Variants in NSMCE1 observed in about 807,000 individuals in gnomAD.
NSMCE1 encodes the protein non-structural maintenance of chromosomes element 1 homolog.
In NSMCE1, 18 loss-of-function variants were observed where a neutral mutation model predicts 29.6. The observed-to-expected ratio is 0.61, with a 90% CI of 0.42 to 0.90. The LOEUF is 0.90. Ranked by LOEUF, NSMCE1 falls within the 40% of genes least tolerant of loss-of-function variation. The pLI is 0.00. For missense variants in NSMCE1, 314 were observed against 343.6 expected (o/e 0.91, Z 0.68); for synonymous variants, 124 against 133.4 (o/e 0.93, Z 0.49).
At chr16:27,243,465 G>A (rs558627808) in intron 2 of NSMCE1, among the ~76,000 whole-genome samples, 10 of 152,224 alleles carry the variant, frequency 6.6e-5, no homozygotes, top group South Asian at 2.1e-4. Flanking sequence ...GCCAGACCAC[G>A]TATAAAAGCA....
chr16:27,239,621 TGTAG>T (rs1283514147), intron 2 of NSMCE1, among the ~76,000 whole-genome samples: 1 of 152,234 alleles, frequency 6.6e-6, no homozygotes, highest in Non-Finnish European at 1.5e-5. Context: ...TCAGGTTTTC[TGTAG>T]GTAGCGCTGG....
intron 3 of NSMCE1, among the ~76,000 whole-genome samples, 194 bp from the exon 4 acceptor site, chr16:27,234,459 C>G (rs76255710): frequency 1.8e-3 from 274 of 152,334 alleles, no homozygotes; most frequent in African/African-American, 6.3e-3. Context: ...AGCCAACATG[C>G]TGGGCCCTCA....
At chr16:27,228,970 G>A (rs2083735056) in intron 5 of NSMCE1, among the ~76,000 whole-genome samples, 1 of 151,704 alleles carries the variant, frequency 6.6e-6, no homozygotes, top group Non-Finnish European at 1.5e-5. Context: ...TGCTCTCTGA[G>A]CCCACTCTCC....
chr16:27,256,453 G>T (rs1179279994), intron 2 of NSMCE1, among the ~76,000 whole-genome samples: 1 of 152,118 alleles, frequency 6.6e-6, no homozygotes, highest in African/African-American at 2.4e-5. Context: ...GTCTTCTTCT[G>T]GTCCACTTTT....
At chr16:27,249,752 T>C (rs1596688285) in intron 2 of NSMCE1, among the ~76,000 whole-genome samples, 1 of 152,354 alleles carries the variant, frequency 6.6e-6, no homozygotes, top group East Asian at 1.9e-4. Context: ...CTAGGTCCTT[T>C]ACATTTCCAT....
chr16:27,251,156 TAA>T (rs1245663933), intron 2 of NSMCE1, among the ~76,000 whole-genome samples: 1 of 66,218 alleles, frequency 1.5e-5, no homozygotes, highest in African/African-American at 4.3e-5. Context: ...TTTAATTATT[TAA>T]AATATATATA....
chr16:27,246,426 T>C (rs1460828782), intron 2 of NSMCE1, among the ~76,000 whole-genome samples: 1 of 152,242 alleles, frequency 6.6e-6, no homozygotes. Context: ...CACAGCAGTC[T>C]GGCAACCATA....
At chr16:27,254,240 G>GT (rs2084061913) in intron 2 of NSMCE1, among the ~76,000 whole-genome samples, 2 of 152,232 alleles carry the variant, frequency 1.3e-5, no homozygotes, top group East Asian at 1.9e-4. Context: ...GCAGTAACAA[G>GT]TTTTTTGGCA....
At chr16:27,253,432 AAG>A (rs1185013094) in intron 2 of NSMCE1, among the ~76,000 whole-genome samples, 1 of 152,196 alleles carries the variant, frequency 6.6e-6, no homozygotes, top group Non-Finnish European at 1.5e-5. Context: ...TCAAGAGAAA[AAG>A]AAACCCTCAT....
At chr16:27,238,942 T>C (rs1392876172) in intron 2 of NSMCE1, among the ~76,000 whole-genome samples, 1 of 151,560 alleles carries the variant, frequency 6.6e-6, no homozygotes, top group East Asian at 1.9e-4. Flanking sequence ...CAGTCTCAGC[T>C]CACAGCAACC....
chr16:27,248,066 G>A (rs906092593), intron 2 of NSMCE1, among the ~76,000 whole-genome samples: 1 of 152,166 alleles, frequency 6.6e-6, no homozygotes, highest in Non-Finnish European at 1.5e-5. Flanking sequence ...TTGCTAAGTA[G>A]TATGGATTTA....
At chr16:27,263,960 G>A (rs898359456) in intron 1 of NSMCE1, among the ~76,000 whole-genome samples, 7 of 152,188 alleles carry the variant, frequency 4.6e-5, no homozygotes, top group African/African-American at 1.7e-4. Flanking sequence ...GTGTGTGTGT[G>A]ATTTGACAAG....
At chr16:27,249,845 T>G (rs1253079491) in intron 2 of NSMCE1, among the ~76,000 whole-genome samples, 1 of 152,234 alleles carries the variant, frequency 6.6e-6, no homozygotes, top group Non-Finnish European at 1.5e-5. Flanking sequence ...TATAGATCAA[T>G]TTGGGGAGAA....
At chr16:27,262,440 T>C (rs925832552) in intron 1 of NSMCE1, among the ~76,000 whole-genome samples, 10 of 151,936 alleles carry the variant, frequency 6.6e-5, no homozygotes, top group Admixed American at 1.3e-4. Flanking sequence ...ATTAAGGCCA[T>C]ACACCTATGA....
chr16:27,240,778 A>G (rs188968059), intron 2 of NSMCE1, among the ~76,000 whole-genome samples: 4 of 152,178 alleles, frequency 2.6e-5, no homozygotes, highest in African/African-American at 9.7e-5. Flanking sequence ...TTTCTTTTAA[A>G]ATTAAATTTT....
chr16:27,251,173 T>TAAAA (rs2084026347), intron 2 of NSMCE1, among the ~76,000 whole-genome samples: 1 of 50,740 alleles, frequency 2.0e-5, no homozygotes, highest in Non-Finnish European at 3.2e-5. Flanking sequence ...TATATATATA[T>TAAAA]ATATATATAT....
intron 2 of NSMCE1, among the ~76,000 whole-genome samples, chr16:27,249,873 C>T (rs1757043895): frequency 6.6e-6 from 1 of 152,192 alleles, no homozygotes; most frequent in African/African-American, 2.4e-5. Flanking sequence ...CTTAACAATA[C>T]TGAATTTCCC....
At chr16:27,268,221 T>C (rs980824856) in intron 1 of NSMCE1, 1 of 151,896 alleles carries the variant, frequency 6.6e-6, no homozygotes, top group Non-Finnish European at 1.5e-5. Context: ...GGCTGTAACA[T>C]AAGCGGCTGC....
chr16:27,250,705 A>G (rs1480572816), intron 2 of NSMCE1, among the ~76,000 whole-genome samples: 2 of 151,520 alleles, frequency 1.3e-5, no homozygotes, highest in Non-Finnish European at 2.9e-5. Context: ...AGGCAGGAGA[A>G]CTGCTTAAAC....
Sources: gnomAD v4.1 joint callset for allele counts (sites outside exome capture counted in the v4.1 genomes callset) on GRCh38, gnomAD v4.1.1 for gene constraint, MANE v1.5 for transcripts, NCBI Gene and HGNC (gene_info 2026-07-23, HGNC 2026-07-21) for gene names.